Variants in RWDD1 observed in about 807,000 individuals in gnomAD.
RWDD1 encodes the protein RWD domain-containing protein 1.
In RWDD1, 17 loss-of-function variants were observed where a neutral mutation model predicts 31.6. That is an observed-to-expected ratio of 0.54 (90% CI 0.37 to 0.81). The LOEUF is 0.81. RWDD1 is among the 30% of genes least tolerant of loss of function. The pLI is 0.00. For missense variants in RWDD1, 204 were observed against 274.5 expected (o/e 0.74, Z 1.82); for synonymous variants, 78 against 94.2 (o/e 0.83, Z 0.99).
chr6:116,580,404 G>A, intron 2 of RWDD1, 44 bp downstream of exon 2: 1 of 1,432,118 alleles, frequency 7.0e-7, no homozygotes, highest in Non-Finnish European at 9.6e-7. Context: ...AAATTTCTCA[G>A]GAATTTCACT....
intron 1 of RWDD1, chr6:116,572,562 T>C (rs952760801): frequency 2.6e-5 from 4 of 152,260 alleles, no homozygotes; most frequent in African/African-American, 9.6e-5. Flanking sequence ...TAAGCCATGC[T>C]TCGGATGATT....
intron 4 of RWDD1, among the ~76,000 whole-genome samples, chr6:116,589,266 A>G (rs933237840): frequency 4.6e-5 from 7 of 152,066 alleles, no homozygotes; most frequent in African/African-American, 1.7e-4. Context: ...GGGGTGTCCA[A>G]TTTTTTGGCT....
At chr6:116,586,603 ATT>A in intron 3 of RWDD1, among the ~76,000 whole-genome samples, 1 of 152,208 alleles carries the variant, frequency 6.6e-6, no homozygotes, top group South Asian at 2.1e-4. Flanking sequence ...ATAATCAAGA[ATT>A]AGTATATAAT....
chr6:116,592,934 A>G (rs1162017239), intron 6 of RWDD1, 46 bp from the exon 7 acceptor site: 5 of 1,585,818 alleles, frequency 3.2e-6, no homozygotes, highest in South Asian at 1.1e-5. Context: ...ATTTCTGAGT[A>G]TAAGACTAAA....
rs1056762941 is a variant in RWDD1, at chr6:116,597,071, C to A, written c.*3970C>A. On this transcript the variant is annotated 3_prime_UTR_variant, in exon 7 of 7. Coordinates refer to ENST00000466444, the MANE Select transcript of RWDD1 (RefSeq NM_015952.4). ...ATGGTATTTAGTTGTGGATCTTCAT[C>A]CTGTCATGCAGCTAAATATTCCAGG... is the stretch of plus-strand genomic sequence containing the variant. 1.3e-5 allele frequency: 2 copies of A among 152,120 alleles called. No homozygotes were observed. The highest frequency in any genetic ancestry group is 4.8e-5 in the African/African-American group (2 of 41,408). The allele number at this position is 152,120 out of a possible 1,614,324, so 9.4% of individuals were successfully genotyped here. A position where few individuals can be genotyped will look rare whatever the true frequency, so the allele number is the denominator to read the frequency against.
intron 1 of RWDD1, chr6:116,574,285 G>A (rs1774795483): frequency 1.3e-5 from 2 of 152,172 alleles, no homozygotes; most frequent in South Asian, 4.1e-4. Flanking sequence ...CCTTAATTCT[G>A]TTTGCCTTAC....
chr6:116,596,070 T>G lies in RWDD1; in HGVS notation c.*2969T>G, dbSNP rs1209686149. ...AAGATGATTTGTAAGTGTTCAGTAT[T>G]TGTGTGGCAGCCCTTTTAGGTGTAA... On this transcript the variant is annotated 3_prime_UTR_variant, in exon 7 of 7. Transcript: ENST00000466444. The G allele has an allele frequency of 6.6e-6, 1 of 152,252 alleles. No homozygotes were observed. The highest frequency in any genetic ancestry group is 1.9e-4 in the East Asian group (1 of 5,204). The allele number at this position is 152,252 out of a possible 1,614,324, so 9.4% of individuals were successfully genotyped here.
intron 6 of RWDD1, among the ~76,000 whole-genome samples, chr6:116,592,723 A>C (rs1387443633): frequency 6.6e-6 from 1 of 152,206 alleles, no homozygotes; most frequent in Non-Finnish European, 1.5e-5. Context: ...TAAATGCTAC[A>C]TTATAAATTC....
chr6:116,572,424 A>T (rs1774755807), intron 1 of RWDD1: 1 of 152,258 alleles, frequency 6.6e-6, no homozygotes, highest in South Asian at 2.1e-4. Flanking sequence ...CTTTCCAGAC[A>T]TATGGGACTT....
At chr6:116,581,394 G>A (rs923082817) in intron 2 of RWDD1, among the ~76,000 whole-genome samples, 48 of 151,876 alleles carry the variant, frequency 3.2e-4, no homozygotes, top group African/African-American at 1.1e-3. Context: ...TTAAGATTAC[G>A]CTGAAATGAA....
intron 3 of RWDD1, among the ~76,000 whole-genome samples, chr6:116,586,354 C>T (rs577601083): frequency 2.0e-5 from 3 of 151,258 alleles, no homozygotes; most frequent in African/African-American, 7.3e-5. Context: ...ACTTTTTTTC[C>T]TTATGGTTAT....
intron 2 of RWDD1, among the ~76,000 whole-genome samples, chr6:116,582,472 A>AT (rs1056713334): frequency 6.6e-6 from 1 of 151,842 alleles, no homozygotes; most frequent in South Asian, 2.1e-4. Flanking sequence ...TTACTTTTTA[A>AT]TTTTTTTGGT....
chr6:116,579,692 C>T (rs1344019174), intron 1 of RWDD1, among the ~76,000 whole-genome samples: 1 of 152,142 alleles, frequency 6.6e-6, no homozygotes, highest in Non-Finnish European at 1.5e-5. Context: ...TAGTAAATTA[C>T]ATGCAATCTG....
intron 2 of RWDD1, among the ~76,000 whole-genome samples, chr6:116,583,533 TAC>T (rs140684945): frequency 1.7e-4 from 26 of 149,682 alleles, no homozygotes; most frequent in African/African-American, 1.7e-4. Context: ...TCTCACCACA[TAC>T]ACACACACAC....
intron 1 of RWDD1, 26 bp from the exon 2 acceptor site, chr6:116,580,269 T>C: frequency 6.5e-7 from 1 of 1,547,250 alleles, no homozygotes; most frequent in Non-Finnish European, 8.8e-7. Flanking sequence ...AGCATTTCAA[T>C]AACTTCTGTG....
rs192015056 is a variant in RWDD1, at chr6:116,591,573, C to G, written c.610+623C>G. ...TTGTGCTTTTCTTCTACCACCTATA[C>G]TCTTCCATCTATCCATCATCGATTC... On this transcript the variant is annotated intron_variant, in intron 6 of 6. Coordinates refer to ENST00000466444, the MANE Select transcript of RWDD1 (RefSeq NM_015952.4). Among the ~76,000 whole-genome samples the G allele has an allele frequency of 3.3e-3, 507 of 152,354 alleles. 4 individuals carry two copies. Among genetic ancestry groups the G allele is most frequent in the African/African-American group, 0.012 (490 of 41,576 alleles).
intron 3 of RWDD1, among the ~76,000 whole-genome samples, chr6:116,586,152 C>CT (rs1385755756): frequency 6.6e-6 from 1 of 152,102 alleles, no homozygotes; most frequent in African/African-American, 2.4e-5. Context: ...CAGGTGTGAT[C>CT]AGGGAGTATT....
At chr6:116,583,920 G>A (rs1165640056) in intron 2 of RWDD1, among the ~76,000 whole-genome samples, 3 of 152,270 alleles carry the variant, frequency 2.0e-5, no homozygotes, top group Non-Finnish European at 4.4e-5. Flanking sequence ...ATGAAGAGCA[G>A]TATAAATTTG....
In RWDD1 at chr6:116,596,537, G is replaced by T. The variant is rs1775241431; in HGVS notation, c.*3436G>T. ...AAATTTTGTCATAAAAATAGCCAAT[G>T]ATGTTTTTAATTTTACATCTAAAAC... is the stretch of plus-strand genomic sequence containing the variant. On this transcript the variant is annotated 3_prime_UTR_variant, in exon 7 of 7. Transcript: ENST00000466444. The T allele has an allele frequency of 6.6e-6, 1 of 152,164 alleles. No homozygotes were observed. The highest frequency in any genetic ancestry group is 1.5e-5 in the Non-Finnish European group (1 of 68,006). The allele number at this position is 152,164 out of a possible 1,614,324, so 9.4% of individuals were successfully genotyped here.
Sources: allele counts gnomAD v4.1 joint callset (sites outside exome capture counted in the v4.1 genomes callset), GRCh38; gene constraint gnomAD v4.1.1; transcripts MANE v1.5; gene names NCBI Gene and HGNC (gene_info 2026-07-23, HGNC 2026-07-21).